Variants in KCNAB2 observed in about 807,000 individuals in gnomAD.
KCNAB2 encodes the protein potassium voltage-gated channel subfamily A regulatory beta subunit 2, also known as voltage-gated potassium channel subunit beta-2.
A neutral mutation model predicts 63.6 loss-of-function variants in KCNAB2; 29 were observed. That is an observed-to-expected ratio of 0.46 (90% CI 0.34 to 0.62). KCNAB2 has a LOEUF of 0.62. Ranked by LOEUF, KCNAB2 falls within the 20% of genes least tolerant of loss-of-function variation. KCNAB2 has a pLI of 0.01. For missense variants in KCNAB2, 359 were observed against 563.9 expected (o/e 0.64, Z 3.68); for synonymous variants, 222 against 224.2 (o/e 0.99, Z 0.09).
Position 6,066,593 on chromosome 1 carries a change from C to T in KCNAB2, c.219-6162C>T, listed in dbSNP as rs77683419. Among the ~76,000 whole-genome samples, 1,031 of 152,332 alleles carry T rather than the reference C, an allele frequency of 6.8e-3. 8 individuals carry two copies. Among genetic ancestry groups the T allele is most frequent in the African/African-American group, 0.023 (959 of 41,574 alleles). Reference sequence around the variant, plus strand: ...GCCAAGCCACCAATGCTCCCTTTTCCTGGGGAACCCTGAGGCATGGGCCAC... The same window carrying T: ...GCCAAGCCACCAATGCTCCCTTTTCTTGGGGAACCCTGAGGCATGGGCCAC... On this transcript the variant is annotated intron_variant, in intron 2 of 15. Transcript: ENST00000378083.
At chr1:6,037,111 T>G (rs1660102231) in intron 1 of KCNAB2, among the ~76,000 whole-genome samples, 1 of 152,218 alleles carries the variant, frequency 6.6e-6, no homozygotes, top group African/African-American at 2.4e-5. Context: ...CTTCAAAGCA[T>G]GGTCCCTGGG....
chr1:6,026,628 C>T (rs1244151726), intron 1 of KCNAB2, among the ~76,000 whole-genome samples: 1 of 152,222 alleles, frequency 6.6e-6, no homozygotes, highest in Non-Finnish European at 1.5e-5. Flanking sequence ...GTGAGCTGAC[C>T]CCAAAGACAC....
chr1:6,027,182 C>T (rs1659246683), intron 1 of KCNAB2: 9 of 152,008 alleles, frequency 5.9e-5, no homozygotes, highest in Admixed American at 5.9e-4. Context: ...AGGGTGTGGT[C>T]TTGGAGGGAG....
chr1:6,046,750 G>A (rs185106964), intron 1 of KCNAB2, among the ~76,000 whole-genome samples: 15 of 152,274 alleles, frequency 9.9e-5, no homozygotes, highest in Middle Eastern at 3.4e-3. Context: ...TTCCATTTCC[G>A]CTTTGGAGAA....
chr1:6,043,499 G>A (rs1423954523), upstream of KCNAB2, among the ~76,000 whole-genome samples: 1 of 152,198 alleles, frequency 6.6e-6, no homozygotes, highest in Non-Finnish European at 1.5e-5. Context: ...TTACCCTCTA[G>A]GCTCTCAGCC....
chr1:6,095,641 G>C lies in KCNAB2; in HGVS notation c.948+17G>C. The C allele has an allele frequency of 6.2e-7, 1 of 1,611,204 alleles. No homozygotes were observed. Among genetic ancestry groups the C allele is most frequent in the Non-Finnish European group, 8.5e-7 (1 of 1,178,200 alleles). On this transcript the variant is annotated intron_variant, in intron 13 of 15. Transcript: ENST00000378083. ...TCCTTGAAGGTGAAGGAACAGCCTG[G>C]TGGGGAGGGACGGGCAGGGGATAGG... is the stretch of plus-strand genomic sequence containing the variant.
rs1481683340 is a variant in KCNAB2 at position 6,073,960 on chromosome 1, A to G, written c.300+190A>G. 4 of 611,632 alleles carry G rather than the reference A, an allele frequency of 6.5e-6. No individual in the cohort carries two copies. In the Admixed American group the frequency reaches 1.1e-4, roughly 17 times the overall value. The allele number at this position is 611,632 out of a possible 1,614,324, so 37.9% of individuals were successfully genotyped here. A position where few individuals can be genotyped will look rare whatever the true frequency, so the allele number is the denominator to read the frequency against. ...AAAGGTGAGCCAGGTGGCCATGGCC[A>G]GAGGGGATGCCGAGTCTGGTGCCAT... On this transcript the variant is annotated intron_variant, in intron 4 of 15. Coordinates refer to ENST00000378083, the MANE Select transcript of KCNAB2 (RefSeq NM_001199862.2). The surrounding 1 kb of genome is among the most constrained non-coding windows in gnomAD (Gnocchi z 5.7).
chr1:6,021,477 T>G (rs1333095731), intron 1 of KCNAB2, among the ~76,000 whole-genome samples: 1 of 152,254 alleles, frequency 6.6e-6, no homozygotes. Context: ...AGTGTACAGT[T>G]TAGTGGTATT....
intron 2 of KCNAB2, among the ~76,000 whole-genome samples, chr1:6,054,913 C>T (rs1283408072): frequency 6.6e-6 from 1 of 152,132 alleles, no homozygotes; most frequent in Non-Finnish European, 1.5e-5. Flanking sequence ...AAGAGAGTAG[C>T]CTCTGGTTCT....
At position 6,078,133 on chromosome 1, in the gene KCNAB2, G is replaced by A. The variant is rs550728581; in HGVS notation, c.301-4062G>A. On this transcript the variant is annotated intron_variant, in intron 4 of 15. Transcript: ENST00000378083. The surrounding 1 kb of genome is among the most constrained non-coding windows in gnomAD (Gnocchi z 4.2). ...CAGGACCCTTCCCAGCCTCTTCAGC[G>A]TCTGGCGCTGCTGGCCTTCCTTGGC... 9.2e-5 allele frequency among the ~76,000 whole-genome samples: 14 copies of A among 152,298 alleles called. No individual in the cohort carries two copies. The highest frequency in any genetic ancestry group is 5.9e-4 in the Admixed American group (9 of 15,306).
At chr1:6,004,849 C>G (rs910558172) in intron 1 of KCNAB2, among the ~76,000 whole-genome samples, 1 of 151,052 alleles carries the variant, frequency 6.6e-6, no homozygotes, top group Non-Finnish European at 1.5e-5. Context: ...CCAGCCCCGT[C>G]TCCCTCCAGA....
At chr1:5,998,227 C>T (rs1271993568) in intron 1 of KCNAB2, among the ~76,000 whole-genome samples, 2 of 152,204 alleles carry the variant, frequency 1.3e-5, no homozygotes, top group African/African-American at 4.8e-5. Flanking sequence ...TAGGGGAGGG[C>T]ATCAGGGCCA....
chr1:6,040,592 C>A, exon 2 of KCNAB2: 1 of 1,614,220 alleles, frequency 6.2e-7, no homozygotes, highest in Non-Finnish European at 8.5e-7. Flanking sequence ...CAACGACGGG[C>A]TCCCCGGCTC....
At chr1:6,027,421 C>T (rs1434066248) in intron 1 of KCNAB2, 1 of 152,350 alleles carries the variant, frequency 6.6e-6, no homozygotes, top group East Asian at 1.9e-4. Context: ...CGGGTCGTGC[C>T]GTCTGTGCAG....
intron 11 of KCNAB2, 57 bp downstream of exon 11, chr1:6,094,542 G>A (rs1303394556): frequency 2.2e-5 from 32 of 1,424,160 alleles, no homozygotes; most frequent in Middle Eastern, 2.0e-4. Flanking sequence ...CACCGGCTGC[G>A]TATGGAGACC....
At chr1:6,040,851 A>G (rs968656011) in intron 2 of KCNAB2, among the ~76,000 whole-genome samples, 3 of 152,260 alleles carry the variant, frequency 2.0e-5, no homozygotes, top group African/African-American at 7.2e-5. Context: ...CAAGTGGGAA[A>G]GAAAAACCAA....
intron 4 of KCNAB2, among the ~76,000 whole-genome samples, chr1:6,080,285 C>T (rs1445061684): frequency 2.6e-5 from 4 of 152,146 alleles, no homozygotes; most frequent in East Asian, 1.9e-4. Context: ...ACAAGCCACC[C>T]GTCTGTCCGT....
intron 10 of KCNAB2, among the ~76,000 whole-genome samples, chr1:6,093,584 G>A (rs1027824351): frequency 1.3e-5 from 2 of 152,286 alleles, no homozygotes; most frequent in African/African-American, 2.4e-5. Flanking sequence ...AGGAGTCTCC[G>A]CCGTCCACGA....
At chr1:6,016,451 A>G (rs960042926) in intron 1 of KCNAB2, among the ~76,000 whole-genome samples, 7 of 152,212 alleles carry the variant, frequency 4.6e-5, no homozygotes, top group African/African-American at 1.4e-4. Context: ...CCCCCTTGAG[A>G]CCACAGGGCT....
Sources: gnomAD v4.1 joint callset for allele counts (sites outside exome capture counted in the v4.1 genomes callset) on GRCh38, gnomAD v4.1.1 for gene constraint, Gnocchi (gnomAD v3.1) non-coding constraint, MANE v1.5 for transcripts, NCBI Gene and HGNC (gene_info 2026-07-23, HGNC 2026-07-21) for gene names.